Variants in FAM110B observed in about 807,000 individuals in gnomAD.
The protein encoded by FAM110B is family with sequence similarity 110 member B, also known as protein FAM110B.
Under a neutral mutation model 20.4 loss-of-function variants are expected in FAM110B, and 6 were observed. The observed-to-expected ratio is 0.29, with a 90% confidence interval of 0.16 to 0.58. The LOEUF (loss-of-function observed/expected upper bound fraction) is 0.58. Ranked by LOEUF, FAM110B falls within the 20% of genes least tolerant of loss-of-function variation. FAM110B has a pLI of 0.90. For missense variants in FAM110B, 434 were observed against 498.2 expected, an observed-to-expected ratio of 0.87 and a Z score of 1.23; for synonymous variants, 226 against 214.1, an observed-to-expected ratio of 1.06 and a Z score of -0.49.
chr8:58,085,650 T>C (rs1450074915), intron 3 of FAM110B, among the ~76,000 whole-genome samples: 3 of 152,242 alleles, frequency 2.0e-5, no homozygotes, highest in Admixed American at 2.0e-4. Context: ...TAAGGAATGC[T>C]GGAATACCTC....
chr8:58,094,069 G>T (rs981594227), intron 3 of FAM110B, among the ~76,000 whole-genome samples: 4 of 152,114 alleles, frequency 2.6e-5, no homozygotes, highest in African/African-American at 9.7e-5. Flanking sequence ...TGGTGTATAG[G>T]AATGCTTATG....
chr8:58,061,013 G>A (rs140666441), intron 2 of FAM110B, among the ~76,000 whole-genome samples: 1 of 152,138 alleles, frequency 6.6e-6, no homozygotes, highest in African/African-American at 2.4e-5. Context: ...AAAATTAACT[G>A]AGAGCACCCC....
At chr8:58,087,446 A>G (rs1347356471) in intron 3 of FAM110B, among the ~76,000 whole-genome samples, 1 of 152,186 alleles carries the variant, frequency 6.6e-6, no homozygotes, top group Non-Finnish European at 1.5e-5. Context: ...GGGTGGAGTA[A>G]ACTGTTATAT....
chr8:58,018,075 A>G (rs1804674985), intron 1 of FAM110B, among the ~76,000 whole-genome samples: 1 of 152,206 alleles, frequency 6.6e-6, no homozygotes, highest in Non-Finnish European at 1.5e-5. Flanking sequence ...ATAGAATGTG[A>G]AAAAATGTGT....
At chr8:58,010,055 C>T (rs1480582497) in intron 1 of FAM110B, among the ~76,000 whole-genome samples, 1 of 152,150 alleles carries the variant, frequency 6.6e-6, no homozygotes, top group Non-Finnish European at 1.5e-5. Flanking sequence ...CTCACTCTGT[C>T]ATCCAGGCTG....
intron 3 of FAM110B, among the ~76,000 whole-genome samples, chr8:58,093,882 A>G (rs550884139): frequency 6.6e-6 from 1 of 152,314 alleles, no homozygotes; most frequent in African/African-American, 2.4e-5. Flanking sequence ...ATCCACTAGC[A>G]TGGAATGTTT....
rs546658822 is a variant in FAM110B, at chr8:58,045,649, A to G, written c.-414+13946A>G. On this transcript the variant is annotated intron_variant, in intron 2 of 3. Coordinates refer to ENST00000519262, the MANE Select transcript of FAM110B (RefSeq NM_001377989.1). Reference sequence around the variant, plus strand: ...GATTAGAGCAATTAAAGTTTTATCTATTGGATAAAATTCAAAAGTCATCGG... The same window carrying G: ...GATTAGAGCAATTAAAGTTTTATCTGTTGGATAAAATTCAAAAGTCATCGG... 7.9e-5 allele frequency among the ~76,000 whole-genome samples: 12 copies of G among 152,306 alleles called. No individual in the cohort carries two copies. The South Asian group carries it at 2.5e-3, about 32-fold the overall frequency.
At chr8:58,123,793 T>C (rs1200666880) in intron 3 of FAM110B, among the ~76,000 whole-genome samples, 3 of 152,216 alleles carry the variant, frequency 2.0e-5, no homozygotes, top group Non-Finnish European at 2.9e-5. Context: ...GCCAGACTTG[T>C]TTTCGTAGCT....
chr8:58,122,966 A>G (rs1290843576), intron 3 of FAM110B, among the ~76,000 whole-genome samples: 2 of 152,198 alleles, frequency 1.3e-5, no homozygotes, highest in Non-Finnish European at 2.9e-5. Flanking sequence ...CGTCTCCCCC[A>G]GATCATACCT....
intron 3 of FAM110B, among the ~76,000 whole-genome samples, chr8:58,140,817 C>A (rs1324585255): frequency 1.3e-5 from 2 of 152,178 alleles, no homozygotes; most frequent in Non-Finnish European, 2.9e-5. Context: ...TGGAGTTTGT[C>A]TCCTCCTTAC....
chr8:58,095,370 G>A (rs560629463), intron 3 of FAM110B, among the ~76,000 whole-genome samples: 2 of 152,098 alleles, frequency 1.3e-5, no homozygotes, highest in Admixed American at 6.5e-5. Flanking sequence ...TCTCTTGTGG[G>A]CATTTAGTGC....
At chr8:58,135,370 T>C (rs931413475) in intron 3 of FAM110B, among the ~76,000 whole-genome samples, 1 of 152,200 alleles carries the variant, frequency 6.6e-6, no homozygotes, top group African/African-American at 2.4e-5. Flanking sequence ...TAATAGGAAG[T>C]GGTCATTACT....
intron 3 of FAM110B, among the ~76,000 whole-genome samples, chr8:58,108,645 G>C (rs1286512095): frequency 6.6e-6 from 1 of 152,224 alleles, no homozygotes; most frequent in Non-Finnish European, 1.5e-5. Flanking sequence ...AGCACAGCCT[G>C]CTCCATGACC....
At chr8:58,087,844 C>A (rs1331712511) in intron 3 of FAM110B, among the ~76,000 whole-genome samples, 1 of 152,152 alleles carries the variant, frequency 6.6e-6, no homozygotes. Context: ...TTATTACATT[C>A]TAAACTTTAA....
intron 2 of FAM110B, among the ~76,000 whole-genome samples, chr8:58,047,642 T>C (rs935558227): frequency 1.1e-4 from 9 of 83,188 alleles, no homozygotes; most frequent in South Asian, 3.8e-4. Context: ...CTCTGACTTA[T>C]ATAAATCAAG....
intron 3 of FAM110B, among the ~76,000 whole-genome samples, chr8:58,144,383 T>C (rs1432768129): frequency 6.6e-6 from 1 of 152,236 alleles, no homozygotes; most frequent in African/African-American, 2.4e-5. Flanking sequence ...TCTCATTTCA[T>C]CTTAATGGGA....
chr8:58,015,844 CAA>C (rs11318984), intron 1 of FAM110B, among the ~76,000 whole-genome samples: 142 of 101,486 alleles, frequency 1.4e-3, no homozygotes, highest in East Asian at 9.7e-3. Flanking sequence ...GACTTTGTCT[CAA>C]AAAAAAAAAA....
chr8:58,088,661 C>T (rs560847018), intron 3 of FAM110B, among the ~76,000 whole-genome samples: 123 of 152,250 alleles, frequency 8.1e-4, no homozygotes, highest in Admixed American at 3.3e-3. Context: ...GAAATGGAGC[C>T]GCACTTGAGA....
At chr8:58,111,670 G>T (rs1374231764) in intron 3 of FAM110B, among the ~76,000 whole-genome samples, 1 of 152,066 alleles carries the variant, frequency 6.6e-6, no homozygotes, top group African/African-American at 2.4e-5. Flanking sequence ...GATTCCATCA[G>T]AAATGCTGAT....
Sources: gnomAD v4.1 joint callset for allele counts (sites outside exome capture counted in the v4.1 genomes callset) on GRCh38, gnomAD v4.1.1 for gene constraint, MANE v1.5 for transcripts, NCBI Gene and HGNC (gene_info 2026-07-23, HGNC 2026-07-21) for gene names.